The following TRPC7 variants were observed in gnomAD, a reference collection of about 807,000 sequenced individuals.
The protein encoded by TRPC7 is short transient receptor potential channel 7.
A neutral mutation model predicts 90.1 loss-of-function variants in TRPC7; 42 were observed. The ratio of observed to expected loss-of-function variants is 0.47; its 90% confidence interval spans 0.36 to 0.60. The LOEUF (loss-of-function observed/expected upper bound fraction) is 0.60. TRPC7 is among the 20% of genes least tolerant of loss of function. The probability of loss-of-function intolerance (pLI) is 0.00; values close to 1 mark genes in which losing one functional copy is unlikely to be tolerated. For synonymous variants in TRPC7, 451 were observed against 436.3 expected (o/e 1.03, Z -0.42); for missense variants, 955 against 1,112.3 (o/e 0.86, Z 2.01).
chr5:136,258,104 T>A (rs748620741), intron 5 of TRPC7, among the ~76,000 whole-genome samples: 1 of 152,194 alleles, frequency 6.6e-6, no homozygotes, highest in Non-Finnish European at 1.5e-5. Context: ...AAATGCAAAT[T>A]ATTTTCAGAA....
At chr5:136,296,961 A>G in intron 3 of TRPC7, among the ~76,000 whole-genome samples, 1 of 152,060 alleles carries the variant, frequency 6.6e-6, no homozygotes. Flanking sequence ...CCTACCTCAA[A>G]TTGCCTCCTC....
chr5:136,284,855 G>A (rs1757659184), intron 3 of TRPC7, among the ~76,000 whole-genome samples: 1 of 152,212 alleles, frequency 6.6e-6, no homozygotes, highest in South Asian at 2.1e-4. Context: ...GGGCTCCAGA[G>A]TTAGTGCTTG....
At chr5:136,275,376 A>G (rs926456068) in intron 3 of TRPC7, among the ~76,000 whole-genome samples, 4 of 122,920 alleles carry the variant, frequency 3.3e-5, no homozygotes, top group African/African-American at 1.5e-4. Flanking sequence ...GGATTAAATG[A>G]CATTGTAAAA....
rs372584641 is a variant in TRPC7 at position 136,341,589 on chromosome 5, AGAG to A, written c.780+15016_780+15018del. 1.2e-4 allele frequency among the ~76,000 whole-genome samples: 19 copies of A among 152,282 alleles called. No individual in the cohort carries two copies. In the South Asian group the frequency reaches 3.5e-3, roughly 28 times the overall value. ...ACTGGGGCAAAGAGAGGGTTAAGGAAGAGGAGCTTACTTCTTGCTGTCTATTTT... is the reference window on the plus strand; with the variant it reads ...ACTGGGGCAAAGAGAGGGTTAAGGAAGAGCTTACTTCTTGCTGTCTATTTT... On this transcript the variant is annotated intron_variant, in intron 2 of 11. Transcript: ENST00000513104.
At chr5:136,230,835 C>G (rs1376674818) in intron 8 of TRPC7, among the ~76,000 whole-genome samples, 2 of 152,146 alleles carry the variant, frequency 1.3e-5, no homozygotes, top group African/African-American at 2.4e-5. Context: ...TCTCTGTCCC[C>G]ACACCACTCC....
intron 3 of TRPC7, among the ~76,000 whole-genome samples, chr5:136,301,331 C>T (rs1452208689): frequency 6.2e-5 from 6 of 96,494 alleles, no homozygotes; most frequent in African/African-American, 2.9e-4. Flanking sequence ...CCAGCCCAGG[C>T]ATTTTTTTTT....
At chr5:136,250,398 T>G (rs568790988) in intron 6 of TRPC7, among the ~76,000 whole-genome samples, 16 of 152,236 alleles carry the variant, frequency 1.1e-4, no homozygotes, top group Middle Eastern at 3.2e-3. Context: ...CCATCTGGCT[T>G]CATGTAACAG....
chr5:136,325,456 C>T (rs958777952), intron 2 of TRPC7, among the ~76,000 whole-genome samples: 44 of 152,174 alleles, frequency 2.9e-4, no homozygotes, highest in African/African-American at 9.7e-4. Context: ...TTTCTTCCTT[C>T]CTCCCTCCTC....
intron 2 of TRPC7, among the ~76,000 whole-genome samples, chr5:136,324,220 CAT>C (rs1179554729): frequency 2.6e-5 from 4 of 152,086 alleles, no homozygotes; most frequent in Non-Finnish European, 5.9e-5. Flanking sequence ...CATAGACAAA[CAT>C]GTTGTCTGAA....
intron 8 of TRPC7, among the ~76,000 whole-genome samples, chr5:136,229,078 T>G (rs1755734686): frequency 6.6e-6 from 1 of 152,204 alleles, no homozygotes; most frequent in Non-Finnish European, 1.5e-5. Flanking sequence ...CCAGGCACCA[T>G]CTGGTTTTCT....
intron 3 of TRPC7, among the ~76,000 whole-genome samples, chr5:136,278,491 A>G (rs1019323801): frequency 4.6e-5 from 7 of 152,246 alleles, no homozygotes; most frequent in Non-Finnish European, 7.3e-5. Flanking sequence ...GCTAGGAGAC[A>G]TGATGAACAG....
intron 4 of TRPC7, among the ~76,000 whole-genome samples, chr5:136,271,052 C>A (rs1439487424): frequency 1.3e-5 from 2 of 152,134 alleles, no homozygotes; most frequent in African/African-American, 4.8e-5. Flanking sequence ...CCTTTCAAGC[C>A]ATTTCAGCTT....
At position 136,328,042 on chromosome 5, in the gene TRPC7, T is replaced by C. The variant is rs550033042; in HGVS notation, c.781-12263A>G. On this transcript the variant is annotated intron_variant, in intron 2 of 11. Coordinates refer to ENST00000513104, the MANE Select transcript of TRPC7 (RefSeq NM_020389.3). ...ATGTTTTAGCTTCCATGGATACAAT[T>C]AATTGTTTCATTAACCTTCACCGTA... Among the ~76,000 whole-genome samples, 38 of 152,304 alleles carry C rather than the reference T, an allele frequency of 2.5e-4. 1 individual carries two copies. Among genetic ancestry groups the C allele is most frequent in the African/African-American group, 8.7e-4 (36 of 41,562 alleles).
intron 4 of TRPC7, among the ~76,000 whole-genome samples, chr5:136,270,701 T>C (rs189666366): frequency 6.6e-6 from 1 of 152,230 alleles, no homozygotes; most frequent in East Asian, 1.9e-4. Context: ...TGATAGGAAA[T>C]AGATGGAGAG....
At chr5:136,258,751 C>T (rs1284511647) in intron 5 of TRPC7, among the ~76,000 whole-genome samples, 2 of 152,158 alleles carry the variant, frequency 1.3e-5, no homozygotes, top group African/African-American at 2.4e-5. Context: ...AGAAGGGCTC[C>T]CCCTTCAAAG....
intron 2 of TRPC7, among the ~76,000 whole-genome samples, chr5:136,332,705 C>T (rs1395716635): frequency 4.6e-5 from 7 of 152,166 alleles, no homozygotes; most frequent in African/African-American, 1.4e-4. Context: ...AAGGTTTTGG[C>T]TTGAGCAACT....
At position 136,212,986 on chromosome 5, in the gene TRPC7, G is replaced by A. The variant is rs993023655; in HGVS notation, c.*449C>T. ...AGAATAGATCACAGGTCACCTCCTGGTTCTGTTTGGATGTGTTGGGGGTGG... is the reference window on the plus strand; with the variant it reads ...AGAATAGATCACAGGTCACCTCCTGATTCTGTTTGGATGTGTTGGGGGTGG... On this transcript the variant is annotated 3_prime_UTR_variant, in exon 12 of 12. Transcript: ENST00000513104. Among the ~76,000 whole-genome samples the A allele has an allele frequency of 2.0e-5, 3 of 152,152 alleles. No homozygotes were observed. The highest frequency in any genetic ancestry group is 2.0e-4 in the Admixed American group (3 of 15,276).
At chr5:136,321,978 G>A (rs1759212672) in intron 2 of TRPC7, among the ~76,000 whole-genome samples, 1 of 151,842 alleles carries the variant, frequency 6.6e-6, no homozygotes, top group Non-Finnish European at 1.5e-5. Context: ...TTTGACATTT[G>A]GGAATGAAGA....
At chr5:136,319,853 A>G (rs1759137384) in intron 2 of TRPC7, among the ~76,000 whole-genome samples, 1 of 151,732 alleles carries the variant, frequency 6.6e-6, no homozygotes, top group African/African-American at 2.4e-5. Flanking sequence ...TTGTTAATTC[A>G]TTTTCATCTC....
Sources: allele counts gnomAD v4.1 joint callset (sites outside exome capture counted in the v4.1 genomes callset), GRCh38; gene constraint gnomAD v4.1.1; transcripts MANE v1.5; gene names NCBI Gene and HGNC (gene_info 2026-07-23, HGNC 2026-07-21).